The following RSU1 variants were observed in gnomAD, a reference collection of about 807,000 sequenced individuals.
RSU1 encodes the protein Ras suppressor protein 1.
A neutral mutation model predicts 31.1 loss-of-function variants in RSU1; 26 were observed. That is an observed-to-expected ratio of 0.84 (90% CI 0.61 to 1.16). The LOEUF is 1.16. RSU1 is among the 50% of genes most tolerant of loss of function. The pLI is 0.00. For missense variants in RSU1, 320 were observed against 339.1 expected, an observed-to-expected ratio of 0.94 and a Z score of 0.44; for synonymous variants, 164 against 136.3, an observed-to-expected ratio of 1.20 and a Z score of -1.41.
At chr10:16,790,344 CTGGTT>C (rs1296055072) in intron 2 of RSU1, among the ~76,000 whole-genome samples, 1 of 152,068 alleles carries the variant, frequency 6.6e-6, no homozygotes, top group Admixed American at 6.6e-5. Context: ...AAAAAATGTC[CTGGTT>C]TGGAGGATAA....
At chr10:16,692,975 T>C (rs1835593366) in intron 8 of RSU1, among the ~76,000 whole-genome samples, 1 of 152,200 alleles carries the variant, frequency 6.6e-6, no homozygotes, top group Admixed American at 6.5e-5. Context: ...CTTTTTTCTT[T>C]TTTTTGGGAT....
At chr10:16,751,157 G>A (rs1259460217) in intron 7 of RSU1, among the ~76,000 whole-genome samples, 13 of 152,158 alleles carry the variant, frequency 8.5e-5, no homozygotes, top group South Asian at 2.1e-4. Flanking sequence ...GGGAGCCACC[G>A]TGCCCGGCCC....
chr10:16,753,860 C>T (rs1171424828), intron 5 of RSU1, among the ~76,000 whole-genome samples: 1 of 152,064 alleles, frequency 6.6e-6, no homozygotes, highest in African/African-American at 2.4e-5. Context: ...TGGCCTCAAG[C>T]ACTCTTTCTA....
intron 7 of RSU1, among the ~76,000 whole-genome samples, chr10:16,752,117 A>C (rs1198460057): frequency 6.6e-6 from 1 of 152,242 alleles, no homozygotes; most frequent in Non-Finnish European, 1.5e-5. Context: ...ACTATTTGGT[A>C]AAAGTTTTTC....
At chr10:16,648,776 TTAAATAAA>T (rs10533045) in intron 8 of RSU1, among the ~76,000 whole-genome samples, 44,470 of 148,600 alleles carry the variant, frequency 0.3, 6,723 homozygotes, top group Non-Finnish European at 0.32. Flanking sequence ...CCAAGATACT[TTAAATAAA>T]TAAATAAATA....
At chr10:16,598,097 G>A (rs1296384465) in intron 8 of RSU1, among the ~76,000 whole-genome samples, 2 of 152,216 alleles carry the variant, frequency 1.3e-5, no homozygotes, top group African/African-American at 4.8e-5. Context: ...TCCCAAAGAT[G>A]GCCACATCTG....
chr10:16,763,630 A>G (rs555885413), intron 4 of RSU1, among the ~76,000 whole-genome samples: 11 of 152,198 alleles, frequency 7.2e-5, no homozygotes, highest in African/African-American at 2.4e-4. Flanking sequence ...GACCATAACA[A>G]TGGGGTCTGA....
intron 7 of RSU1, among the ~76,000 whole-genome samples, chr10:16,700,549 T>C (rs927896844): frequency 2.6e-5 from 4 of 152,180 alleles, no homozygotes; most frequent in Non-Finnish European, 2.9e-5. Context: ...CTCTCCCACA[T>C]AGACAAAGAT....
chr10:16,650,241 A>T (rs1036805213), intron 8 of RSU1, among the ~76,000 whole-genome samples: 4 of 152,236 alleles, frequency 2.6e-5, no homozygotes, highest in Non-Finnish European at 5.9e-5. Context: ...ACACGTCAAA[A>T]GGTTGACAGG....
chr10:16,715,497 G>A (rs1174516913), intron 7 of RSU1, among the ~76,000 whole-genome samples: 3 of 152,152 alleles, frequency 2.0e-5, no homozygotes, highest in African/African-American at 7.2e-5. Flanking sequence ...ATTAGGCAAG[G>A]GTCCAACTTC....
chr10:16,705,526 G>A lies in RSU1; in HGVS notation c.599-10371C>T, dbSNP rs145070766. ...TTTTTTTGAGACAGAGTCTCGCTCT[G>A]TCACACAGGCTGGAGTGCAGAGGCG... On this transcript the variant is annotated intron_variant, in intron 7 of 8. Transcript: ENST00000345264. 5.0e-3 allele frequency among the ~76,000 whole-genome samples: 754 copies of A among 151,984 alleles called. 5 individuals are homozygous for A. Among genetic ancestry groups the A allele is most frequent in the African/African-American group, 0.017 (690 of 41,436 alleles).
intron 7 of RSU1, among the ~76,000 whole-genome samples, chr10:16,714,602 G>C (rs564032614): frequency 6.6e-6 from 1 of 152,054 alleles, no homozygotes; most frequent in Non-Finnish European, 1.5e-5. Flanking sequence ...CTGTTCCCTG[G>C]GGGGTGGGGG....
chr10:16,663,151 G>A (rs534508509), intron 8 of RSU1, among the ~76,000 whole-genome samples: 2 of 152,090 alleles, frequency 1.3e-5, no homozygotes, highest in Non-Finnish European at 2.9e-5. Flanking sequence ...AGATCTGTAT[G>A]CGCCATGAGA....
At chr10:16,712,538 T>C (rs1836042375) in intron 7 of RSU1, among the ~76,000 whole-genome samples, 1 of 152,212 alleles carries the variant, frequency 6.6e-6, no homozygotes, top group Admixed American at 6.6e-5. Flanking sequence ...CATAAGAGTC[T>C]TGTAGTTACA....
chr10:16,801,361 G>GTATC (rs1838152477), intron 2 of RSU1, among the ~76,000 whole-genome samples: 1 of 152,154 alleles, frequency 6.6e-6, no homozygotes, highest in Non-Finnish European at 1.5e-5. Flanking sequence ...TAATGTGAAT[G>GTATC]TATCTAACAA....
At chr10:16,613,506 C>T (rs975350039) in intron 8 of RSU1, among the ~76,000 whole-genome samples, 7 of 152,292 alleles carry the variant, frequency 4.6e-5, no homozygotes, top group South Asian at 4.1e-4. Context: ...GGGCATCTTT[C>T]GTTTTGATTA....
At chr10:16,690,974 T>C (rs1225057619) in intron 8 of RSU1, among the ~76,000 whole-genome samples, 2 of 152,060 alleles carry the variant, frequency 1.3e-5, no homozygotes, top group African/African-American at 4.8e-5. Flanking sequence ...TTCTTTTTAA[T>C]AAAGGGGAAG....
intron 8 of RSU1, among the ~76,000 whole-genome samples, chr10:16,685,732 C>T (rs1196803719): frequency 5.9e-5 from 9 of 152,180 alleles, no homozygotes; most frequent in Non-Finnish European, 1.3e-4. Flanking sequence ...CTATCTCACC[C>T]TGTGACTTAG....
At chr10:16,707,726 T>C (rs1323470222) in intron 7 of RSU1, among the ~76,000 whole-genome samples, 1 of 152,178 alleles carries the variant, frequency 6.6e-6, no homozygotes, top group Admixed American at 6.6e-5. Flanking sequence ...TTTGATGTAA[T>C]CTTGTTTGTC....
Sources: allele counts gnomAD v4.1 joint callset (sites outside exome capture counted in the v4.1 genomes callset), GRCh38; gene constraint gnomAD v4.1.1; transcripts MANE v1.5; gene names NCBI Gene and HGNC (gene_info 2026-07-23, HGNC 2026-07-21).